ARMC9: variants seen among roughly 807,000 people sequenced by gnomAD.
ARMC9 encodes lisH domain-containing protein ARMC9.
A neutral mutation model predicts 107.0 loss-of-function variants in ARMC9; 94 were observed. The ratio of observed to expected loss-of-function variants is 0.88; its 90% CI spans 0.74 to 1.04. The LOEUF (loss-of-function observed/expected upper bound fraction) is 1.04, where lower values mean the gene tolerates loss of function less well. Ranked by LOEUF, ARMC9 falls within the 50% of genes least tolerant of loss-of-function variation. ARMC9 has a pLI of 0.00. For synonymous variants in ARMC9, 380 were observed against 396.9 expected (o/e 0.96, Z 0.51); for missense variants, 942 against 1,030.1 (o/e 0.91, Z 1.17).
chr2:231,292,272 A>G (rs138988908), intron 18 of ARMC9, among the ~76,000 whole-genome samples: 1 of 152,066 alleles, frequency 6.6e-6, no homozygotes, highest in East Asian at 1.9e-4. Context: ...AAAAGAACTT[A>G]GAAGCAATTA....
intron 11 of ARMC9, among the ~76,000 whole-genome samples, chr2:231,260,417 A>G (rs1454087963): frequency 1.3e-5 from 2 of 152,198 alleles, no homozygotes; most frequent in Non-Finnish European, 2.9e-5. Context: ...TGAACAGTCC[A>G]TTCTAATTCA....
chr2:231,205,238 C>G (rs932716114), intron 1 of ARMC9, among the ~76,000 whole-genome samples: 2 of 151,586 alleles, frequency 1.3e-5, no homozygotes, highest in Non-Finnish European at 2.9e-5. Context: ...GGTATGGTGG[C>G]ATGCACCTAT....
chr2:231,219,840 C>G (rs755606895), intron 5 of ARMC9, among the ~76,000 whole-genome samples: 6 of 151,248 alleles, frequency 4.0e-5, no homozygotes, highest in Non-Finnish European at 7.4e-5. Context: ...TTTGACTTTT[C>G]TTTTTAGTAT....
chr2:231,308,443 G>T (rs573110034), intron 19 of ARMC9, among the ~76,000 whole-genome samples: 1 of 152,286 alleles, frequency 6.6e-6, no homozygotes, highest in South Asian at 2.1e-4. Context: ...GAGCTTGGCT[G>T]ATGGCAGAGG....
chr2:231,270,510 G>C, intron 12 of ARMC9: 1 of 415,134 alleles, frequency 2.4e-6, no homozygotes, highest in Non-Finnish European at 4.9e-6. Context: ...TCTTGAGCCT[G>C]CTAAGCCTCT....
chr2:231,354,690 G>T (rs953260560), intron 21 of ARMC9, among the ~76,000 whole-genome samples: 2 of 152,152 alleles, frequency 1.3e-5, no homozygotes, highest in African/African-American at 4.8e-5. Flanking sequence ...CCAGACATAT[G>T]AAATTGACAT....
rs2038441816 is a variant in ARMC9, at chr2:231,262,304, A to T, written c.1027-2A>T. On this transcript the variant is annotated splice_acceptor_variant, in intron 11 of 24. Coordinates refer to ENST00000611582, the MANE Select transcript of ARMC9 (RefSeq NM_001352754.2). LOFTEE classifies it high-confidence loss of function. Reference sequence around the variant, plus strand: ...CACTACTTTTGTTTTTCTTTGCTCCAGCGCTTGACCACATCCCATCCTGGA... The same window carrying T: ...CACTACTTTTGTTTTTCTTTGCTCCTGCGCTTGACCACATCCCATCCTGGA... The T allele has an allele frequency of 1.2e-6, 2 of 1,614,132 alleles. No homozygotes were observed. Among genetic ancestry groups the T allele is most frequent in the Non-Finnish European group, 1.7e-6 (2 of 1,179,994 alleles).
chr2:231,253,059 A>G (rs2037448432), intron 9 of ARMC9, among the ~76,000 whole-genome samples: 1 of 152,146 alleles, frequency 6.6e-6, no homozygotes, highest in Non-Finnish European at 1.5e-5. Flanking sequence ...AAAAACATAC[A>G]TGCATGGTCT....
Position 231,291,330 on chromosome 2 carries a change from A to G in ARMC9, c.1627-23A>G, listed in dbSNP as rs142436983. 3.2e-4 allele frequency: 502 copies of G among 1,593,316 alleles called. 1 individual carries two copies. The African/African-American group carries it at 5.6e-3, about 18-fold the overall frequency. On this transcript the variant is annotated intron_variant, in intron 17 of 24. Transcript: ENST00000611582. ...CCCTCCAGACACTGAAATGTTAACT[A>G]TTACTTTCGCCAATACTTCTAGGGA...
chr2:231,258,328 C>T (rs914462386), intron 10 of ARMC9, among the ~76,000 whole-genome samples: 12 of 152,042 alleles, frequency 7.9e-5, no homozygotes, highest in African/African-American at 2.4e-4. Flanking sequence ...ACTACAGGCG[C>T]GTGTCACTAT....
At chr2:231,226,226 A>G (rs763164932) in intron 6 of ARMC9, among the ~76,000 whole-genome samples, 3 of 152,246 alleles carry the variant, frequency 2.0e-5, no homozygotes, top group Admixed American at 2.0e-4. Context: ...ACTAAGGAAA[A>G]GTTTAAGACA....
intron 23 of ARMC9, among the ~76,000 whole-genome samples, chr2:231,364,979 T>G (rs1444316401): frequency 6.6e-6 from 1 of 152,124 alleles, no homozygotes; most frequent in African/African-American, 2.4e-5. Context: ...CTAGGAAGGA[T>G]GCAGTGGGAG....
At position 231,253,579 on chromosome 2, in the gene ARMC9, G is replaced by A. The variant is rs2037496639; in HGVS notation, c.880-3007G>A. Among the ~76,000 whole-genome samples the A allele has an allele frequency of 2.0e-5, 3 of 152,178 alleles. No homozygotes were observed. In the South Asian group the frequency reaches 6.2e-4, roughly 31 times the overall value. Reference sequence around the variant, plus strand: ...AGAAAAAAAAATGTTATGGACCAGAGTTGGGCTTCTCCAAGTTTATTGTGC... The same window carrying A: ...AGAAAAAAAAATGTTATGGACCAGAATTGGGCTTCTCCAAGTTTATTGTGC... On this transcript the variant is annotated intron_variant, in intron 9 of 24. Transcript: ENST00000611582.
Position 231,262,401 on chromosome 2 carries a change from T to G in ARMC9, c.1119+3T>G, listed in dbSNP as rs1205720292. The G allele has an allele frequency of 6.2e-7, 1 of 1,613,500 alleles. No individual in the cohort carries two copies. The highest frequency in any genetic ancestry group is 2.2e-5 in the East Asian group (1 of 44,868). On this transcript the variant is annotated splice_donor_region_variant and intron_variant, in intron 12 of 24. Transcript: ENST00000611582. ...TGGACTGTTATAGCCACAACCAGGT[T>G]GGTAAGAGGTGGGGCCAGATCCCAG...
At chr2:231,259,940 G>A (rs2038181162) in intron 11 of ARMC9, among the ~76,000 whole-genome samples, 1 of 152,258 alleles carries the variant, frequency 6.6e-6, no homozygotes, top group South Asian at 2.1e-4. Flanking sequence ...AGGTTGCAGT[G>A]AGCCAAGATC....
intron 21 of ARMC9, among the ~76,000 whole-genome samples, chr2:231,352,331 C>T (rs1035895607): frequency 6.0e-5 from 9 of 151,132 alleles, no homozygotes; most frequent in Non-Finnish European, 1.0e-4. Flanking sequence ...CTTGCTCTGT[C>T]GCCCAGGCTG....
intron 9 of ARMC9, among the ~76,000 whole-genome samples, chr2:231,244,129 T>C (rs764955653): frequency 1.1e-4 from 17 of 152,154 alleles, no homozygotes; most frequent in Admixed American, 3.3e-4. Context: ...CACAAAACCG[T>C]TGATGTCTAT....
At chr2:231,346,452 C>T (rs929077443) in intron 21 of ARMC9, among the ~76,000 whole-genome samples, 23 of 152,100 alleles carry the variant, frequency 1.5e-4, no homozygotes, top group African/African-American at 5.3e-4. Context: ...ACCCAGGAGG[C>T]GGAGCTTGCA....
chr2:231,288,118 A>G (rs939191436), intron 17 of ARMC9, among the ~76,000 whole-genome samples: 1 of 152,204 alleles, frequency 6.6e-6, no homozygotes, highest in Non-Finnish European at 1.5e-5. Context: ...AGGAGCTCAT[A>G]ATATATTTAG....
Sources: allele counts gnomAD v4.1 joint callset (sites outside exome capture counted in the v4.1 genomes callset), GRCh38; gene constraint gnomAD v4.1.1; transcripts MANE v1.5; gene names NCBI Gene and HGNC (gene_info 2026-07-23, HGNC 2026-07-21).